KDM7A: variants seen among roughly 807,000 people sequenced by gnomAD.
KDM7A encodes the protein lysine-specific demethylase 7A.
KDM7A carries 28 observed loss-of-function variants against 114.8 expected under a neutral mutation model. That is an observed-to-expected ratio of 0.24 (90% confidence interval 0.18 to 0.33). The LOEUF is 0.33. Among genes scored for constraint, KDM7A ranks in the 10% least tolerant of loss-of-function variants. The pLI, the probability that KDM7A is intolerant of heterozygous loss-of-function variation, is 1.00. For missense variants in KDM7A, 942 were observed against 1,142.5 expected (o/e 0.82, Z 2.53); for synonymous variants, 423 against 397.8 (o/e 1.06, Z -0.75).
Position 140,148,612 on chromosome 7 carries a change from C to T in KDM7A, c.195-9422G>A, listed in dbSNP as rs912474339. On this transcript the variant is annotated intron_variant, in intron 1 of 19. Transcript: ENST00000397560. ...CATTCTTACTAAAAATACTAGGATG[C>T]CAATAGGCATTTTCACTTTTAAATT... is the stretch of plus-strand genomic sequence containing the variant. Among the ~76,000 whole-genome samples, 12 of 152,128 alleles carry T rather than the reference C, an allele frequency of 7.9e-5. No individual in the cohort carries two copies. The South Asian group carries it at 2.1e-3, about 26-fold the overall frequency.
chr7:140,125,519 A>G (rs1300789487), intron 6 of KDM7A, among the ~76,000 whole-genome samples: 1 of 152,236 alleles, frequency 6.6e-6, no homozygotes, highest in Non-Finnish European at 1.5e-5. Flanking sequence ...GTTTTGAACA[A>G]TGCAGCTCTA....
intron 1 of KDM7A, among the ~76,000 whole-genome samples, chr7:140,160,154 A>T (rs1781491816): frequency 6.6e-6 from 1 of 152,244 alleles, no homozygotes; most frequent in Non-Finnish European, 1.5e-5. Flanking sequence ...GTAAATTTTT[A>T]AAAATAAAAT....
At chr7:140,129,372 C>A in intron 4 of KDM7A, 121 bp downstream of exon 4, 1 of 795,802 alleles carries the variant, frequency 1.3e-6, no homozygotes, top group African/African-American at 1.7e-5. Flanking sequence ...TGATACTGAG[C>A]CTCACTTTTC....
In KDM7A at chr7:140,139,097, G is replaced by C. The variant is rs779913201; in HGVS notation, c.280+8C>G. ...ATGTCCATTTTTATTTAAGCATCTA[G>C]TACTTACTCAAGGAGGAACCATGTA... On this transcript the variant is annotated splice_region_variant and intron_variant, in intron 2 of 19. Transcript: ENST00000397560. 6 of 1,577,066 alleles carry C rather than the reference G, an allele frequency of 3.8e-6. No individual in the cohort carries two copies. The highest frequency in any genetic ancestry group is 5.2e-6 in the Non-Finnish European group (6 of 1,147,358).
intron 1 of KDM7A, among the ~76,000 whole-genome samples, chr7:140,160,916 A>G (rs781647946): frequency 1.3e-5 from 2 of 152,190 alleles, no homozygotes; most frequent in African/African-American, 2.4e-5. Context: ...GACTGCGTTC[A>G]CCCAGTCACC....
chr7:140,159,067 C>T (rs1271674568), intron 1 of KDM7A, among the ~76,000 whole-genome samples: 1 of 152,160 alleles, frequency 6.6e-6, no homozygotes, highest in Non-Finnish European at 1.5e-5. Flanking sequence ...GGATACAGGC[C>T]GGGCTTGGTG....
intron 1 of KDM7A, among the ~76,000 whole-genome samples, chr7:140,160,447 A>G (rs2885698): frequency 0.36 from 55,422 of 152,144 alleles, 10,561 homozygotes; most frequent in African/African-American, 0.47. Context: ...GCCCTGGGGT[A>G]AGGGGTAGGG....
intron 10 of KDM7A, among the ~76,000 whole-genome samples, chr7:140,112,161 T>C (rs1171512771): frequency 6.6e-6 from 1 of 152,248 alleles, no homozygotes; most frequent in Non-Finnish European, 1.5e-5. Flanking sequence ...TTTATTTTCC[T>C]GAATGCTTCC....
chr7:140,161,330 T>C (rs1458997073), intron 1 of KDM7A, among the ~76,000 whole-genome samples: 1 of 152,214 alleles, frequency 6.6e-6, no homozygotes, highest in Non-Finnish European at 1.5e-5. Flanking sequence ...AAACCATTGA[T>C]GGAAACTGGC....
At chr7:140,142,401 C>T (rs904976998) in intron 1 of KDM7A, among the ~76,000 whole-genome samples, 7 of 150,686 alleles carry the variant, frequency 4.6e-5, no homozygotes, top group African/African-American at 1.7e-4. Context: ...CCAGAATATA[C>T]TGAACTCCTA....
At position 140,141,466 on chromosome 7, in the gene KDM7A, T is replaced by A. The variant is rs1336710518; in HGVS notation, c.195-2276A>T. On this transcript the variant is annotated intron_variant, in intron 1 of 19. Transcript: ENST00000397560. ...CAGTGCCCAAAACCAGATCCATGTA[T>A]ATGTGTGCACTCATATGTAACAGGA... 2.0e-5 allele frequency among the ~76,000 whole-genome samples: 3 copies of A among 152,172 alleles called. No individual in the cohort carries two copies. In the East Asian group the frequency reaches 5.8e-4, roughly 29 times the overall value.
intron 1 of KDM7A, among the ~76,000 whole-genome samples, chr7:140,156,659 T>C (rs62491427): frequency 0.061 from 9,346 of 152,280 alleles, 366 homozygotes; most frequent in Non-Finnish European, 0.09. Context: ...TATCTCCCAT[T>C]AGATAATGGC....
At position 140,085,819 on chromosome 7, in the gene KDM7A, A is replaced by C. The variant is rs941782367; in HGVS notation, c.*5275T>G. 6.6e-6 allele frequency: 1 copy of C among 152,252 alleles called. No individual in the cohort carries two copies. The highest frequency in any genetic ancestry group is 1.5e-5 in the Non-Finnish European group (1 of 68,046). 9.4% of individuals were successfully genotyped at this position (152,252 alleles called of 1,614,324 possible). ...GTTATACGTAGCTCTGTAAAAATAA[A>C]AGGTTACTTATGAATCTTAAAAGGA... On this transcript the variant is annotated 3_prime_UTR_variant, in exon 20 of 20. Transcript: ENST00000397560.
intron 1 of KDM7A, among the ~76,000 whole-genome samples, chr7:140,141,884 ACT>A (rs1794285818): frequency 6.6e-6 from 1 of 151,222 alleles, no homozygotes; most frequent in Admixed American, 6.6e-5. Context: ...ATACAGTGAG[ACT>A]CTGTCTCAAA....
Position 140,090,740 on chromosome 7 carries a change from T to TA in KDM7A, c.*353_*354insT. On this transcript the variant is annotated 3_prime_UTR_variant, in exon 20 of 20. Transcript: ENST00000397560. ...AAAAAGAATTTAAAAGCTGTTAACT[T>TA]TAAAAAAAAATCTGTTAAATAAATT... The TA allele has an allele frequency of 4.8e-6, 1 of 207,678 alleles. No homozygotes were observed. Among genetic ancestry groups the TA allele is most frequent in the Non-Finnish European group, 9.5e-6 (1 of 105,076 alleles). The allele number at this position is 207,678 out of a possible 1,614,324, so 12.9% of individuals were successfully genotyped here.
intron 3 of KDM7A, among the ~76,000 whole-genome samples, chr7:140,130,357 T>C (rs950508452): frequency 2.0e-5 from 3 of 152,096 alleles, no homozygotes; most frequent in East Asian, 3.8e-4. Context: ...CGGTGGCTCA[T>C]GTCTGTAATT....
At chr7:140,107,300 T>G (rs1195347727) in intron 11 of KDM7A, among the ~76,000 whole-genome samples, 1 of 152,230 alleles carries the variant, frequency 6.6e-6, no homozygotes, top group Non-Finnish European at 1.5e-5. Flanking sequence ...ATGTGTGAAT[T>G]TGATCCACTC....
chr7:140,162,151 C>T (rs766050189), intron 1 of KDM7A, among the ~76,000 whole-genome samples: 7 of 152,032 alleles, frequency 4.6e-5, no homozygotes, highest in Admixed American at 1.3e-4. Context: ...GCCTGACCAA[C>T]GTGGAGAAAT....
chr7:140,105,120 A>AT (rs1818307821), intron 11 of KDM7A, among the ~76,000 whole-genome samples: 1 of 152,208 alleles, frequency 6.6e-6, no homozygotes, highest in Admixed American at 6.5e-5. Context: ...AATGCTTGTG[A>AT]TTTTTGCACA....
Sources: allele counts gnomAD v4.1 joint callset (sites outside exome capture counted in the v4.1 genomes callset), GRCh38; gene constraint gnomAD v4.1.1; transcripts MANE v1.5; gene names NCBI Gene and HGNC (gene_info 2026-07-23, HGNC 2026-07-21).